The following SNX9 variants were observed in gnomAD, a reference collection of about 807,000 sequenced individuals.
SNX9 encodes the protein sorting nexin 9, also known as sorting nexin-9.
In SNX9, 44 loss-of-function variants were observed where a neutral mutation model predicts 89.4. The observed-to-expected ratio is 0.49, with a 90% CI of 0.39 to 0.63. The LOEUF (loss-of-function observed/expected upper bound fraction) is 0.63. Ranked by LOEUF, SNX9 falls within the 30% of genes least tolerant of loss-of-function variation. The pLI is 0.00. For synonymous variants in SNX9, 236 were observed against 247.8 expected (o/e 0.95, Z 0.45); for missense variants, 578 against 736.1 (o/e 0.79, Z 2.49).
At chr6:157,907,715 G>C (rs1161458591) in intron 7 of SNX9, among the ~76,000 whole-genome samples, 1 of 152,256 alleles carries the variant, frequency 6.6e-6, no homozygotes, top group Non-Finnish European at 1.5e-5. Context: ...AGGTCTGCCT[G>C]TGTGGGCGTC....
At chr6:157,882,286 A>C (rs1260607836) in intron 4 of SNX9, among the ~76,000 whole-genome samples, 3 of 152,180 alleles carry the variant, frequency 2.0e-5, no homozygotes, top group African/African-American at 7.2e-5. Context: ...GTTGAGACCA[A>C]CTGCTGAGAA....
intron 9 of SNX9, among the ~76,000 whole-genome samples, chr6:157,915,766 C>T (rs1483789787): frequency 2.8e-5 from 4 of 144,472 alleles, no homozygotes; most frequent in Non-Finnish European, 4.5e-5. Flanking sequence ...CGGAGGTTGC[C>T]GTGAGCCAAG....
chr6:157,907,965 T>G (rs936708891), intron 7 of SNX9, among the ~76,000 whole-genome samples: 1 of 152,190 alleles, frequency 6.6e-6, no homozygotes, highest in Admixed American at 6.5e-5. Context: ...CCTGAGGGGG[T>G]TATAGTAATT....
chr6:157,895,610 T>C (rs537606227), intron 4 of SNX9, among the ~76,000 whole-genome samples: 266 of 152,236 alleles, frequency 1.7e-3, no homozygotes, highest in African/African-American at 6.2e-3. Flanking sequence ...TGCAGAATGT[T>C]TTATGCTGTT....
At chr6:157,832,107 G>A (rs1456195195) in intron 1 of SNX9, among the ~76,000 whole-genome samples, 1 of 152,192 alleles carries the variant, frequency 6.6e-6, no homozygotes, top group Non-Finnish European at 1.5e-5. Flanking sequence ...TAAATGCAGT[G>A]TTTAAGGATG....
chr6:157,866,693 A>C (rs1782269931), intron 1 of SNX9, among the ~76,000 whole-genome samples: 1 of 152,344 alleles, frequency 6.6e-6, no homozygotes, highest in South Asian at 2.1e-4. Context: ...AGAGTACCCA[A>C]ATCTTAAATT....
chr6:157,925,201 A>G (rs1379452214), intron 10 of SNX9, among the ~76,000 whole-genome samples: 1 of 152,276 alleles, frequency 6.6e-6, no homozygotes, highest in Admixed American at 6.5e-5. Context: ...AGATGTGATC[A>G]TGTACTTCAT....
At chr6:157,906,786 T>G (rs570045703) in intron 7 of SNX9, among the ~76,000 whole-genome samples, 8 of 152,288 alleles carry the variant, frequency 5.3e-5, no homozygotes, top group African/African-American at 1.7e-4. Flanking sequence ...ACATTTTGAT[T>G]GGTGGTAGAT....
At chr6:157,826,219 G>A (rs901111099) in intron 1 of SNX9, among the ~76,000 whole-genome samples, 6 of 152,004 alleles carry the variant, frequency 3.9e-5, no homozygotes, top group Non-Finnish European at 7.4e-5. Context: ...AGTTAATCAG[G>A]GTCGGGCGCC....
In SNX9 at chr6:157,931,980, A is replaced by G. The variant is rs45440492; in HGVS notation, c.1289-215A>G. ...GAATGAGAATGTAGGAGTGATTGTC[A>G]GTAATAATAGCATCCACCATTAGTT... On this transcript the variant is annotated intron_variant, in intron 12 of 17. Transcript: ENST00000392185. Among the ~76,000 whole-genome samples, 448 of 152,370 alleles carry G rather than the reference A, an allele frequency of 2.9e-3. 3 individuals carry two copies. The highest frequency in any genetic ancestry group is 5.4e-3 in the Non-Finnish European group (364 of 68,036).
chr6:157,939,643 A>G (rs898420271), intron 16 of SNX9, among the ~76,000 whole-genome samples: 1 of 152,172 alleles, frequency 6.6e-6, no homozygotes, highest in Non-Finnish European at 1.5e-5. Flanking sequence ...CATGGGAGAA[A>G]GAGAAGGATG....
chr6:157,868,937 T>A (rs977301987), intron 2 of SNX9, among the ~76,000 whole-genome samples: 2 of 152,244 alleles, frequency 1.3e-5, no homozygotes, highest in Admixed American at 6.5e-5. Context: ...CACTGCAACG[T>A]GTCTCTTCTG....
intron 1 of SNX9, among the ~76,000 whole-genome samples, chr6:157,835,544 C>CT (rs1781566661): frequency 6.6e-6 from 1 of 151,208 alleles, no homozygotes; most frequent in Non-Finnish European, 1.5e-5. Flanking sequence ...TCTTGAGTAT[C>CT]TGTGATATGG....
chr6:157,910,440 A>G (rs1197942879), intron 9 of SNX9, among the ~76,000 whole-genome samples: 3 of 152,252 alleles, frequency 2.0e-5, no homozygotes, highest in Non-Finnish European at 4.4e-5. Flanking sequence ...GAGCTGCATT[A>G]TTTCATTAGA....
At chr6:157,935,794 G>T (rs1783911943) in intron 13 of SNX9, among the ~76,000 whole-genome samples, 170 bp from the exon 14 acceptor site, 1 of 152,236 alleles carries the variant, frequency 6.6e-6, no homozygotes. Context: ...AGAGCTGCCA[G>T]TGGGGAAGGC....
chr6:157,880,645 C>A (rs746982138), intron 4 of SNX9, among the ~76,000 whole-genome samples: 30 of 152,326 alleles, frequency 2.0e-4, no homozygotes, highest in Non-Finnish European at 3.8e-4. Flanking sequence ...CGAGTGCCAT[C>A]GTGAGCCACA....
At chr6:157,918,569 G>A (rs937540278) in intron 9 of SNX9, among the ~76,000 whole-genome samples, 1 of 152,116 alleles carries the variant, frequency 6.6e-6, no homozygotes, top group East Asian at 1.9e-4. Context: ...CTCTGCTTTT[G>A]ATTGGGGTTT....
At chr6:157,830,757 G>A (rs1020844683) in intron 1 of SNX9, among the ~76,000 whole-genome samples, 5 of 152,164 alleles carry the variant, frequency 3.3e-5, no homozygotes, top group Non-Finnish European at 7.3e-5. Flanking sequence ...TACTTTATAG[G>A]TGAGTGCAGC....
chr6:157,889,882 A>G (rs1202075758), intron 4 of SNX9, among the ~76,000 whole-genome samples: 1 of 152,178 alleles, frequency 6.6e-6, no homozygotes, highest in African/African-American at 2.4e-5. Context: ...GATAACCTCT[A>G]CTGAATGCAT....
Sources: allele counts gnomAD v4.1 joint callset (sites outside exome capture counted in the v4.1 genomes callset), GRCh38; gene constraint gnomAD v4.1.1; transcripts MANE v1.5; gene names NCBI Gene and HGNC (gene_info 2026-07-23, HGNC 2026-07-21).